PCDH15: variants seen among roughly 807,000 people sequenced by gnomAD.
The protein encoded by PCDH15 is protocadherin-15.
Under a neutral mutation model 178.5 loss-of-function variants are expected in PCDH15, and 129 were observed. The ratio of observed to expected loss-of-function variants is 0.72; its 90% confidence interval spans 0.63 to 0.84. The LOEUF (loss-of-function observed/expected upper bound fraction) is 0.84. Among genes scored for constraint, PCDH15 ranks in the 40% least tolerant of loss-of-function variants. PCDH15 has a pLI of 0.00. For synonymous variants in PCDH15, 800 were observed against 732.0 expected, an observed-to-expected ratio of 1.09 and a Z score of -1.50; for missense variants, 2,230 against 2,099.9, an observed-to-expected ratio of 1.06 and a Z score of -1.21.
chr10:55,317,760 C>T (rs11004804), intron 1 of PCDH15, among the ~76,000 whole-genome samples: 69,778 of 150,868 alleles, frequency 0.46, 16,491 homozygotes, highest in Admixed American at 0.51. Flanking sequence ...GTGATACAAG[C>T]GAAAAAGGTA....
At chr10:55,512,325 C>A (rs138559292) in intron 2 of PCDH15, among the ~76,000 whole-genome samples, 5 of 152,050 alleles carry the variant, frequency 3.3e-5, no homozygotes, top group African/African-American at 4.8e-5. Flanking sequence ...TTAGTATTTT[C>A]CAAACTAATT....
At chr10:54,392,232 A>C (rs1950620314) in intron 3 of PCDH15, among the ~76,000 whole-genome samples, 1 of 152,028 alleles carries the variant, frequency 6.6e-6, no homozygotes, top group Non-Finnish European at 1.5e-5. Flanking sequence ...TGGGAGGCTG[A>C]GGCAGGTGGA....
intron 2 of PCDH15, among the ~76,000 whole-genome samples, chr10:55,034,892 G>A (rs1840697515): frequency 6.6e-6 from 1 of 151,926 alleles, no homozygotes; most frequent in African/African-American, 2.4e-5. Context: ...CTAACATTTA[G>A]ATTCCAAATT....
intron 2 of PCDH15, among the ~76,000 whole-genome samples, chr10:54,932,491 T>C (rs1238407027): frequency 6.6e-6 from 1 of 152,208 alleles, no homozygotes; most frequent in African/African-American, 2.4e-5. Flanking sequence ...AGTTATAATA[T>C]GCTAAGGTTA....
chr10:54,697,668 G>GGAA (rs59004193), intron 1 of PCDH15, among the ~76,000 whole-genome samples: 24 of 92,594 alleles, frequency 2.6e-4, no homozygotes, highest in African/African-American at 8.8e-4. Context: ...AAGGGGAAGG[G>GGAA]GGAAGGGGAA....
chr10:53,976,500 C>T (rs1051316537), intron 21 of PCDH15, among the ~76,000 whole-genome samples: 2 of 152,122 alleles, frequency 1.3e-5, no homozygotes, highest in Admixed American at 6.6e-5. Context: ...GCCTGTAAGA[C>T]TCTTGCATCA....
intron 2 of PCDH15, among the ~76,000 whole-genome samples, chr10:54,635,739 C>T (rs1251653024): frequency 1.3e-5 from 2 of 151,742 alleles, no homozygotes; most frequent in East Asian, 3.9e-4. Flanking sequence ...TATACTCACT[C>T]AAGGATGTAG....
chr10:53,943,485 AAAAC>A (rs200005993), intron 23 of PCDH15, among the ~76,000 whole-genome samples: 25 of 149,876 alleles, frequency 1.7e-4, no homozygotes, highest in Middle Eastern at 3.5e-3. Context: ...CAAAAAAACA[AAAAC>A]AAACAAACAA....
intron 2 of PCDH15, among the ~76,000 whole-genome samples, chr10:54,917,553 G>A (rs560885660): frequency 1.8e-4 from 27 of 152,222 alleles, no homozygotes; most frequent in African/African-American, 6.3e-4. Context: ...TACTTTGCAC[G>A]TCTAACTTAA....
chr10:54,752,532 A>AC (rs1335588525), intron 1 of PCDH15, among the ~76,000 whole-genome samples: 2 of 148,428 alleles, frequency 1.3e-5, no homozygotes, highest in South Asian at 2.1e-4. Context: ...AAACAAACAA[A>AC]AAAAAACAAT....
chr10:53,840,290 G>A (rs763849184), intron 29 of PCDH15, 30 bp downstream of exon 29: 1 of 1,603,060 alleles, frequency 6.2e-7, no homozygotes. Context: ...TGTAACCAAA[G>A]AGCTGTTACA....
rs1027398159 is a variant in PCDH15, at chr10:54,065,715, T to C, written c.2220+1042A>G. On this transcript the variant is annotated intron_variant, in intron 18 of 37. Transcript: ENST00000644397. ...AATGATAATGATAATGACTGTGGAG[T>C]TGGTAGTTGCAAGTATTGTCAGTGA... Among the ~76,000 whole-genome samples, 5 of 152,088 alleles carry C rather than the reference T, an allele frequency of 3.3e-5. No individual in the cohort carries two copies. In the East Asian group the frequency reaches 7.7e-4, roughly 23 times the overall value.
At chr10:54,345,096 A>G (rs1943026250) in intron 6 of PCDH15, among the ~76,000 whole-genome samples, 1 of 151,642 alleles carries the variant, frequency 6.6e-6, no homozygotes, top group African/African-American at 2.4e-5. Context: ...ACAGTTCAGA[A>G]GTAGTTTTCT....
At chr10:55,502,604 G>C (rs1450794682) in intron 2 of PCDH15, among the ~76,000 whole-genome samples, 2 of 151,624 alleles carry the variant, frequency 1.3e-5, no homozygotes, top group Non-Finnish European at 3.0e-5. Flanking sequence ...TTAGTAAACA[G>C]TCAGTCGGTA....
At chr10:53,895,326 T>C (rs1241185697) in intron 26 of PCDH15, among the ~76,000 whole-genome samples, 1 of 152,216 alleles carries the variant, frequency 6.6e-6, no homozygotes, top group African/African-American at 2.4e-5. Flanking sequence ...ATCACCAGTT[T>C]GTGCTTTTGA....
chr10:55,383,989 G>A (rs185852189), intron 2 of PCDH15, among the ~76,000 whole-genome samples: 1 of 152,252 alleles, frequency 6.6e-6, no homozygotes, highest in East Asian at 1.9e-4. Flanking sequence ...AGCTATTATT[G>A]TGTTAAAAGC....
chr10:54,339,510 ATAATT>A (rs1941836463), intron 6 of PCDH15, among the ~76,000 whole-genome samples: 1 of 152,192 alleles, frequency 6.6e-6, no homozygotes, highest in South Asian at 2.1e-4. Context: ...GTTCCAACAG[ATAATT>A]CAAGTGGTAC....
intron 2 of PCDH15, among the ~76,000 whole-genome samples, chr10:55,347,704 T>C (rs1469705481): frequency 1.3e-5 from 2 of 152,190 alleles, no homozygotes; most frequent in Non-Finnish European, 2.9e-5. Flanking sequence ...ATTTCATTGG[T>C]GAATTTCTAC....
intron 1 of PCDH15, among the ~76,000 whole-genome samples, chr10:54,781,582 G>T (rs1362316011): frequency 6.6e-6 from 1 of 152,122 alleles, no homozygotes; most frequent in African/African-American, 2.4e-5. Flanking sequence ...TCATTCTAAT[G>T]AAGCAATAAC....
Sources: allele counts gnomAD v4.1 joint callset (sites outside exome capture counted in the v4.1 genomes callset), GRCh38; gene constraint gnomAD v4.1.1; transcripts MANE v1.5; gene names NCBI Gene and HGNC (gene_info 2026-07-23, HGNC 2026-07-21).